LYPD6: variants seen among roughly 807,000 people sequenced by gnomAD.
The protein encoded by LYPD6 is ly6/PLAUR domain-containing protein 6.
A neutral mutation model predicts 22.7 loss-of-function variants in LYPD6; 15 were observed. The ratio of observed to expected loss-of-function variants is 0.66; its 90% CI spans 0.44 to 1.02. The LOEUF is 1.02. LYPD6 is among the 50% of genes least tolerant of loss of function. The probability of loss-of-function intolerance (pLI) is 0.00; values close to 1 mark genes in which losing one functional copy is unlikely to be tolerated. For missense variants in LYPD6, 189 were observed against 208.4 expected (o/e 0.91, Z 0.57); for synonymous variants, 72 against 77.5 (o/e 0.93, Z 0.37).
intron 3 of LYPD6, among the ~76,000 whole-genome samples, chr2:149,455,257 GT>G (rs554548181): frequency 0.2 from 25,313 of 127,824 alleles, 1,689 homozygotes; most frequent in African/African-American, 0.27. Context: ...TTTCTAGCAA[GT>G]TTTTTTTTTT....
At chr2:149,349,235 G>A (rs1681316048) in intron 1 of LYPD6, among the ~76,000 whole-genome samples, 1 of 152,106 alleles carries the variant, frequency 6.6e-6, no homozygotes, top group South Asian at 2.1e-4. Flanking sequence ...CCATAAAAGG[G>A]GAGCAAATCC....
intron 1 of LYPD6, among the ~76,000 whole-genome samples, chr2:149,334,507 G>A (rs546907416): frequency 2.6e-5 from 4 of 152,312 alleles, no homozygotes; most frequent in South Asian, 2.1e-4. Context: ...GGATATTCCA[G>A]ACCTAATCAG....
chr2:149,438,930 A>G (rs1573808815), intron 2 of LYPD6, among the ~76,000 whole-genome samples: 1 of 152,248 alleles, frequency 6.6e-6, no homozygotes, highest in Admixed American at 6.5e-5. Context: ...TGTATGAAGC[A>G]CTTAGCACTG....
At chr2:149,397,058 T>A (rs977513602) in intron 1 of LYPD6, among the ~76,000 whole-genome samples, 3 of 152,286 alleles carry the variant, frequency 2.0e-5, no homozygotes, top group Admixed American at 2.0e-4. Context: ...CTGTATTTTT[T>A]ATGTTTTAAA....
At chr2:149,401,809 A>G (rs1682561539) in intron 1 of LYPD6, among the ~76,000 whole-genome samples, 1 of 152,022 alleles carries the variant, frequency 6.6e-6, no homozygotes, top group East Asian at 1.9e-4. Flanking sequence ...GGTGCACCCA[A>G]CACCCGAGTA....
intron 1 of LYPD6, among the ~76,000 whole-genome samples, chr2:149,398,580 G>A (rs1023854548): frequency 3.3e-5 from 5 of 152,008 alleles, no homozygotes; most frequent in African/African-American, 9.7e-5. Flanking sequence ...GGAAGGGATG[G>A]GGGTAGCAGA....
chr2:149,332,838 G>C (rs997424729), intron 1 of LYPD6, among the ~76,000 whole-genome samples: 2 of 152,186 alleles, frequency 1.3e-5, no homozygotes, highest in African/African-American at 4.8e-5. Context: ...AAGAATTAAG[G>C]TGAAAACTAG....
chr2:149,334,961 AC>A (rs1681008297), intron 1 of LYPD6, among the ~76,000 whole-genome samples: 1 of 152,118 alleles, frequency 6.6e-6, no homozygotes, highest in Non-Finnish European at 1.5e-5. Context: ...CACATTACTT[AC>A]CTGTGGTAAT....
Position 149,437,647 on chromosome 2 carries a change from C to T in LYPD6, c.-62C>T. ...TTTCTTCATTTTTCAGGTGCAAGTT[C>T]TCTCCTGTTGCCCTGAGTGCCCACT... On this transcript the variant is annotated 5_prime_UTR_variant, in exon 2 of 5. Coordinates refer to ENST00000334166, the MANE Select transcript of LYPD6 (RefSeq NM_194317.5). 2.5e-6 allele frequency: 4 copies of T among 1,597,778 alleles called. No individual in the cohort carries two copies. Among genetic ancestry groups the T allele is most frequent in the Non-Finnish European group, 3.4e-6 (4 of 1,170,284 alleles).
intron 2 of LYPD6, among the ~76,000 whole-genome samples, chr2:149,447,019 G>A (rs185943401): frequency 3.3e-5 from 5 of 152,304 alleles, no homozygotes; most frequent in East Asian, 1.9e-4. Context: ...AGCCATCTGC[G>A]AGAGAGAACA....
At chr2:149,400,040 A>G (rs1682518058) in intron 1 of LYPD6, among the ~76,000 whole-genome samples, 1 of 152,218 alleles carries the variant, frequency 6.6e-6, no homozygotes, top group African/African-American at 2.4e-5. Flanking sequence ...AGCCTGTGTG[A>G]CTGTCGGAGG....
At position 149,449,131 on chromosome 2, in the gene LYPD6, C is replaced by T; in HGVS notation, c.201C>T (p.Asp67=). 6.2e-7 allele frequency: 1 copy of T among 1,612,206 alleles called. No individual in the cohort carries two copies. The highest frequency in any genetic ancestry group is 8.5e-7 in the Non-Finnish European group (1 of 1,178,880). ...DNYECNRWAP[D]IYCPRETRYC... is the part of the protein sequence containing the mutation. ...ATGAGTGCAACCGATGGGCTCCAGA[C>T]ATCTACTGCCCTCGAGGTAAACTCT... The change falls in exon 3 of 5, where the codon GAC becomes GAT. Residue 67 remains aspartate, a synonymous_variant. Transcript: ENST00000334166.
intron 1 of LYPD6, among the ~76,000 whole-genome samples, chr2:149,332,028 T>C (rs1245821201): frequency 6.6e-6 from 1 of 152,266 alleles, no homozygotes; most frequent in African/African-American, 2.4e-5. Flanking sequence ...TTACTGTATA[T>C]GCGCTCACGT....
chr2:149,390,588 G>A (rs1369949368), intron 1 of LYPD6, among the ~76,000 whole-genome samples: 1 of 152,170 alleles, frequency 6.6e-6, no homozygotes, highest in Non-Finnish European at 1.5e-5. Flanking sequence ...ATTTGTTGCA[G>A]CATTGCCCAC....
downstream of LYPD6, among the ~76,000 whole-genome samples, chr2:149,478,824 C>G (rs1558822983): frequency 6.6e-6 from 1 of 152,092 alleles, no homozygotes; most frequent in Non-Finnish European, 1.5e-5. Flanking sequence ...GGCACTTCAC[C>G]CCTGGTACTT....
At chr2:149,438,136 C>G (rs1013430562) in intron 2 of LYPD6, among the ~76,000 whole-genome samples, 1 of 152,196 alleles carries the variant, frequency 6.6e-6, no homozygotes, top group African/African-American at 2.4e-5. Flanking sequence ...CACCATATCC[C>G]AGAAGGAGGA....
chr2:149,353,603 T>G (rs1420755332), intron 1 of LYPD6, among the ~76,000 whole-genome samples: 1 of 152,190 alleles, frequency 6.6e-6, no homozygotes, highest in Non-Finnish European at 1.5e-5. Flanking sequence ...AGATGGTCGG[T>G]GTCATTTTCT....
In LYPD6 at chr2:149,470,545, C is replaced by G; in HGVS notation, c.349-138C>G. 6 of 677,464 alleles carry G rather than the reference C, an allele frequency of 8.9e-6. No homozygotes were observed. In the South Asian group the frequency reaches 1.2e-4, roughly 13 times the overall value. 42.0% of individuals were successfully genotyped at this position (677,464 alleles called of 1,614,324 possible). A position where few individuals can be genotyped will look rare whatever the true frequency, so the allele number is the denominator to read the frequency against. On this transcript the variant is annotated intron_variant, in intron 4 of 4. Transcript: ENST00000334166. Reference sequence around the variant, plus strand: ...AAATATTATCCCCAGCCTTCCTGAACGTAGAGTTGGCATCTCCTTTATAGA... The same window carrying G: ...AAATATTATCCCCAGCCTTCCTGAAGGTAGAGTTGGCATCTCCTTTATAGA...
chr2:149,479,647 C>T, the LYPD6 span, among the ~76,000 whole-genome samples: 5 of 152,214 alleles, frequency 3.3e-5, no homozygotes, highest in East Asian at 5.8e-4. Flanking sequence ...TCTAATCTAC[C>T]GTCAAATCCT....
Sources: allele counts gnomAD v4.1 joint callset (sites outside exome capture counted in the v4.1 genomes callset), GRCh38; gene constraint gnomAD v4.1.1; transcripts MANE v1.5; gene names NCBI Gene and HGNC (gene_info 2026-07-23, HGNC 2026-07-21).